STK32A: variants seen among roughly 807,000 people sequenced by gnomAD.
STK32A encodes the protein serine/threonine kinase 32A, also known as serine/threonine-protein kinase 32A.
A neutral mutation model predicts 53.2 loss-of-function variants in STK32A; 41 were observed. The observed-to-expected ratio is 0.77, with a 90% CI of 0.60 to 1.00. The LOEUF (loss-of-function observed/expected upper bound fraction) is 1.00, where lower values mean the gene tolerates loss of function less well. Ranked by LOEUF, STK32A falls within the 50% of genes least tolerant of loss-of-function variation. The pLI, the probability that STK32A is intolerant of heterozygous loss-of-function variation, is 0.00. For missense variants in STK32A, 458 were observed against 485.8 expected, an observed-to-expected ratio of 0.94 and a Z score of 0.54; for synonymous variants, 166 against 162.8, an observed-to-expected ratio of 1.02 and a Z score of -0.15.
At chr5:147,328,456 T>A (rs1754707063) in intron 5 of STK32A, among the ~76,000 whole-genome samples, 2 of 152,236 alleles carry the variant, frequency 1.3e-5, no homozygotes, top group South Asian at 4.1e-4. Context: ...TTCAGAATCT[T>A]TCTTTTCTAT....
chr5:147,294,287 C>T (rs777962990), intron 4 of STK32A, among the ~76,000 whole-genome samples: 14 of 152,264 alleles, frequency 9.2e-5, no homozygotes, highest in Non-Finnish European at 1.5e-4. Context: ...TATTTTGAGA[C>T]AGAGTCTCAC....
chr5:147,353,865 G>A (rs1756100636), intron 7 of STK32A, among the ~76,000 whole-genome samples: 1 of 152,166 alleles, frequency 6.6e-6, no homozygotes, highest in South Asian at 2.1e-4. Context: ...GTTTAAACTG[G>A]TGGGATTAAG....
At chr5:147,280,046 G>T (rs1353209282) in intron 4 of STK32A, among the ~76,000 whole-genome samples, 1 of 152,198 alleles carries the variant, frequency 6.6e-6, no homozygotes, top group Non-Finnish European at 1.5e-5. Context: ...TTTACCTGGA[G>T]CTGAGTGGAC....
At position 147,386,313 on chromosome 5, in the gene STK32A, C is replaced by T. The variant is rs773890952; in HGVS notation, c.*2330C>T. 7.9e-5 allele frequency: 12 copies of T among 152,178 alleles called. No individual in the cohort carries two copies. The highest frequency in any genetic ancestry group is 1.6e-4 in the Non-Finnish European group (11 of 68,034). The allele number at this position is 152,178 out of a possible 1,614,324, so 9.4% of individuals were successfully genotyped here. On this transcript the variant is annotated 3_prime_UTR_variant, in exon 13 of 13. Coordinates refer to ENST00000397936, the MANE Select transcript of STK32A (RefSeq NM_001112724.2). ...AGATTCTGCTGCAGTCTGGTAACCC[C>T]ACGAGTGTCAGGGACTACTTGCATG...
intron 2 of STK32A, among the ~76,000 whole-genome samples, chr5:147,259,171 T>C (rs981453248): frequency 3.9e-5 from 6 of 152,194 alleles, no homozygotes; most frequent in African/African-American, 1.4e-4. Context: ...TGTTAAATCA[T>C]CTTTTTCTAA....
At chr5:147,350,306 TA>T (rs572908132) in intron 6 of STK32A, among the ~76,000 whole-genome samples, 2 of 151,820 alleles carry the variant, frequency 1.3e-5, no homozygotes, top group South Asian at 4.2e-4. Flanking sequence ...GGCTAGGAAA[TA>T]AATATTTGTA....
At chr5:147,296,450 C>T (rs1692376721) in intron 4 of STK32A, among the ~76,000 whole-genome samples, 1 of 151,732 alleles carries the variant, frequency 6.6e-6, no homozygotes, top group Admixed American at 6.6e-5. Context: ...GTGCAGCAGC[C>T]TGCCGGCACT....
intron 3 of STK32A, among the ~76,000 whole-genome samples, chr5:147,278,778 G>C (rs996694710): frequency 6.6e-6 from 1 of 152,080 alleles, no homozygotes; most frequent in Admixed American, 6.5e-5. Flanking sequence ...GACCTCTAAA[G>C]AAATTTCAAA....
intron 9 of STK32A, among the ~76,000 whole-genome samples, chr5:147,371,938 A>G (rs929292241): frequency 7.9e-5 from 12 of 152,214 alleles, no homozygotes; most frequent in African/African-American, 2.9e-4. Flanking sequence ...GTAAGTTCAC[A>G]TAACACTATC....
chr5:147,280,410 G>C (rs1387263908), intron 4 of STK32A, among the ~76,000 whole-genome samples: 1 of 151,028 alleles, frequency 6.6e-6, no homozygotes, highest in East Asian at 2.0e-4. Context: ...CTGTGTTGGC[G>C]GGGGAGGGGG....
chr5:147,245,449 C>A (rs1452191560), intron 2 of STK32A, among the ~76,000 whole-genome samples: 1 of 152,082 alleles, frequency 6.6e-6, no homozygotes, highest in East Asian at 1.9e-4. Flanking sequence ...TATCTGAATG[C>A]ACTAGATTTT....
chr5:147,276,879 C>G (rs541040351), intron 2 of STK32A, among the ~76,000 whole-genome samples: 3 of 152,248 alleles, frequency 2.0e-5, no homozygotes, highest in African/African-American at 7.2e-5. Context: ...CTCAAAGAGT[C>G]TGTCATTTAT....
intron 8 of STK32A, among the ~76,000 whole-genome samples, chr5:147,361,986 T>C (rs1581138676): frequency 6.6e-6 from 1 of 152,226 alleles, no homozygotes; most frequent in South Asian, 2.1e-4. Context: ...TCACCAAGGC[T>C]AGTGTGAATT....
chr5:147,345,661 C>A (rs763095183), intron 6 of STK32A, among the ~76,000 whole-genome samples: 1 of 151,856 alleles, frequency 6.6e-6, no homozygotes, highest in Non-Finnish European at 1.5e-5. Context: ...TGCTGTCTTT[C>A]ATGTGTGCAG....
At chr5:147,383,339 G>C in intron 11 of STK32A, 102 bp from the exon 12 acceptor site, 1 of 915,990 alleles carries the variant, frequency 1.1e-6, no homozygotes, top group Non-Finnish European at 1.7e-6. Flanking sequence ...TCTCAATTTG[G>C]GGCTATTCAT....
chr5:147,389,479 G>C (rs1054611370), downstream of STK32A, among the ~76,000 whole-genome samples: 3 of 152,192 alleles, frequency 2.0e-5, no homozygotes, highest in African/African-American at 7.2e-5. Context: ...AAGCCAGACT[G>C]AATCAGTCTT....
At chr5:147,316,958 T>C (rs1561715160) in intron 4 of STK32A, among the ~76,000 whole-genome samples, 1 of 151,818 alleles carries the variant, frequency 6.6e-6, no homozygotes, top group Admixed American at 6.6e-5. Context: ...CAAGTTTCTC[T>C]GTATAAAAGT....
intron 2 of STK32A, among the ~76,000 whole-genome samples, chr5:147,263,951 G>A (rs921197859): frequency 4.6e-5 from 7 of 152,100 alleles, no homozygotes; most frequent in Non-Finnish European, 1.0e-4. Context: ...GAAGAAAACT[G>A]TTACATCAAA....
intron 6 of STK32A, among the ~76,000 whole-genome samples, chr5:147,350,262 T>C (rs1241415022): frequency 6.8e-6 from 1 of 146,420 alleles, no homozygotes; most frequent in Non-Finnish European, 1.5e-5. Context: ...ACAAAAATAT[T>C]TTAGAAAAAC....
Sources: allele counts gnomAD v4.1 joint callset (sites outside exome capture counted in the v4.1 genomes callset), GRCh38; gene constraint gnomAD v4.1.1; transcripts MANE v1.5; gene names NCBI Gene and HGNC (gene_info 2026-07-23, HGNC 2026-07-21).